SH3BP4: variants seen among roughly 807,000 people sequenced by gnomAD.
SH3BP4 encodes SH3 domain-binding protein 4.
In SH3BP4, 33 loss-of-function variants were observed where a neutral mutation model predicts 65.5. That is an observed-to-expected ratio of 0.50 (90% CI 0.38 to 0.67). SH3BP4 has a LOEUF of 0.67. Among genes scored for constraint, SH3BP4 ranks in the 30% least tolerant of loss-of-function variants. SH3BP4 has a pLI of 0.00. For synonymous variants in SH3BP4, 552 were observed against 545.5 expected (o/e 1.01, Z -0.17); for missense variants, 1,134 against 1,261.4 (o/e 0.90, Z 1.53).
chr2:234,978,519 C>T lies in SH3BP4; in HGVS notation c.-206-16784C>T, dbSNP rs1693243992. 6.6e-6 allele frequency among the ~76,000 whole-genome samples: 1 copy of T among 152,174 alleles called. No homozygotes were observed. The stretch of plus-strand genomic sequence containing the variant: ...TCGCTGACTGGTGCGGTGAACTCTC[C>T]GGCTGGGCTCCTTTCCTGCTGCAGG... On this transcript the variant is annotated intron_variant, in intron 1 of 5. Coordinates refer to ENST00000392011, the MANE Select transcript of SH3BP4 (RefSeq NM_014521.3). The surrounding 1 kb of genome is among the most constrained non-coding windows in gnomAD (Gnocchi z 4.1).
chr2:235,022,455 A>T (rs1694872616), intron 2 of SH3BP4, among the ~76,000 whole-genome samples: 1 of 152,068 alleles, frequency 6.6e-6, no homozygotes, highest in African/African-American at 2.4e-5. Context: ...AGGGAGGTGG[A>T]GGCGGCAGTG....
At chr2:235,025,950 A>G (rs752972562) in intron 2 of SH3BP4, among the ~76,000 whole-genome samples, 17 of 152,318 alleles carry the variant, frequency 1.1e-4, no homozygotes, top group Middle Eastern at 3.4e-3. Context: ...TGGTGAGTGC[A>G]TGGGATGTAC....
chr2:234,980,900 G>GT (rs961398742), intron 1 of SH3BP4, among the ~76,000 whole-genome samples: 1 of 152,018 alleles, frequency 6.6e-6, no homozygotes, highest in African/African-American at 2.4e-5. Flanking sequence ...TTTCGTTTTT[G>GT]TTTTTTTGAG....
At chr2:235,036,822 GACAA>G (rs1335892622) in intron 3 of SH3BP4, among the ~76,000 whole-genome samples, 1 of 151,880 alleles carries the variant, frequency 6.6e-6, no homozygotes, top group African/African-American at 2.4e-5. Context: ...AGAGGAGGAA[GACAA>G]ACAAGACAGC....
chr2:235,040,856 C>T (rs1469617310), intron 3 of SH3BP4, 32 bp from the exon 4 acceptor site: 2 of 1,591,948 alleles, frequency 1.3e-6, no homozygotes, highest in Non-Finnish European at 1.7e-6. Context: ...CGGCCTTGCC[C>T]TCACCATCTG....
At chr2:234,988,285 T>C (rs549851209) in intron 1 of SH3BP4, among the ~76,000 whole-genome samples, 15 of 152,226 alleles carry the variant, frequency 9.9e-5, no homozygotes, top group African/African-American at 3.4e-4. Context: ...AGTCTTGATC[T>C]CCTGACCTCA....
chr2:234,990,310 G>T (rs1272492862), intron 1 of SH3BP4, among the ~76,000 whole-genome samples: 3 of 152,204 alleles, frequency 2.0e-5, no homozygotes, highest in Non-Finnish European at 4.4e-5. Flanking sequence ...CGGGGATGCA[G>T]GCTGTAGAGG....
In SH3BP4 at chr2:235,035,091, T is replaced by C. The variant is rs758468374; in HGVS notation, c.89T>C (p.Phe30Ser). 2 of 1,614,002 alleles carry C rather than the reference T, an allele frequency of 1.2e-6. No homozygotes were observed. Among genetic ancestry groups the C allele is most frequent in the Non-Finnish European group, 8.5e-7 (1 of 1,179,880 alleles). Residue 30 changes from phenylalanine (F) to serine (S), a missense_variant, in exon 3 of 6, where the codon TTT (phenylalanine) becomes TCT (serine). Coordinates refer to ENST00000392011, the MANE Select transcript of SH3BP4 (RefSeq NM_014521.3). The surrounding 1 kb of genome is among the most constrained non-coding windows in gnomAD (Gnocchi z 5.0). ...EGTLIDLSEG[F>S]SETSFNDIKV... The stretch of plus-strand genomic sequence containing the variant: ...ACCCTGATTGACCTGAGCGAAGGGT[T>C]TTCAGAGACGAGCTTTAATGACATC...
intron 2 of SH3BP4, among the ~76,000 whole-genome samples, chr2:235,012,523 C>G (rs1324032616): frequency 6.6e-6 from 1 of 152,194 alleles, no homozygotes; most frequent in African/African-American, 2.4e-5. Flanking sequence ...AATAACCAGC[C>G]GCACCGCAAG....
At position 234,974,005 on chromosome 2, in the gene SH3BP4, A is replaced by G. The variant is rs181216588; in HGVS notation, c.-206-21298A>G. Among the ~76,000 whole-genome samples, 3 of 152,232 alleles carry G rather than the reference A, an allele frequency of 2.0e-5. No homozygotes were observed. The highest frequency in any genetic ancestry group is 2.0e-4 in the Admixed American group (3 of 15,300). ...GCCAGTCTCCAAGTGCTCCGGGTCT[A>G]GTAAGTCAACAGGGGAGGCTTTCAG... On this transcript the variant is annotated intron_variant, in intron 1 of 5. Coordinates refer to ENST00000392011, the MANE Select transcript of SH3BP4 (RefSeq NM_014521.3). The surrounding 1 kb of genome is among the most constrained non-coding windows in gnomAD (Gnocchi z 4.6).
intron 3 of SH3BP4, among the ~76,000 whole-genome samples, chr2:235,038,396 TATATATATATATATATATATGA>T (rs1559254854): frequency 3.9e-5 from 3 of 77,752 alleles, no homozygotes; most frequent in African/African-American, 1.5e-4. Context: ...TATATATATA[TATATATATATATATATATATGA>T]GGTATGTAGA....
At chr2:235,017,872 G>A (rs566613265) in intron 2 of SH3BP4, among the ~76,000 whole-genome samples, 127 of 152,104 alleles carry the variant, frequency 8.3e-4, no homozygotes, top group Non-Finnish European at 1.7e-3. Flanking sequence ...TATTCAACCA[G>A]TTTTTTTGGT....
At chr2:234,953,627 T>A (rs1049994302) in intron 1 of SH3BP4, among the ~76,000 whole-genome samples, 4 of 152,104 alleles carry the variant, frequency 2.6e-5, no homozygotes, top group African/African-American at 9.7e-5. Context: ...ACCATAAAAA[T>A]TAATGGGTGG....
intron 4 of SH3BP4, among the ~76,000 whole-genome samples, chr2:235,050,566 T>C (rs549579356): frequency 6.6e-6 from 1 of 152,134 alleles, no homozygotes; most frequent in Admixed American, 6.5e-5. Context: ...CTTTTTAAAT[T>C]CCATGGATTG....
intron 2 of SH3BP4, among the ~76,000 whole-genome samples, chr2:235,010,026 T>C (rs4330068): frequency 0.11 from 16,294 of 152,032 alleles, 1,332 homozygotes; most frequent in East Asian, 0.28. Flanking sequence ...GAGGGTCTTT[T>C]TTCAGGGTTA....
chr2:235,034,424 C>T lies in SH3BP4; in HGVS notation c.-132-447C>T, dbSNP rs552942904. 2.0e-4 allele frequency among the ~76,000 whole-genome samples: 30 copies of T among 152,152 alleles called. No homozygotes were observed. The highest frequency in any genetic ancestry group is 4.2e-4 in the South Asian group (2 of 4,818). On this transcript the variant is annotated intron_variant, in intron 2 of 5. Coordinates refer to ENST00000392011, the MANE Select transcript of SH3BP4 (RefSeq NM_014521.3). This position sits in a 1 kb window ranked among gnomAD's most constrained non-coding sequence, Gnocchi z 6.2. ...TTCATTGATGGCTGCTTCCCGGGGCCGAGTCACCATGATGACTGCCCCTGC... is the reference window on the plus strand; with the variant it reads ...TTCATTGATGGCTGCTTCCCGGGGCTGAGTCACCATGATGACTGCCCCTGC...
intron 2 of SH3BP4, among the ~76,000 whole-genome samples, chr2:235,031,418 C>T (rs542349468): frequency 3.9e-5 from 6 of 152,320 alleles, no homozygotes; most frequent in African/African-American, 4.8e-5. Context: ...GCTCCCAGGG[C>T]GCTGGAGGCC....
intron 1 of SH3BP4, among the ~76,000 whole-genome samples, chr2:234,980,699 G>A (rs768161331): frequency 2.0e-5 from 3 of 152,114 alleles, no homozygotes; most frequent in East Asian, 3.9e-4. Context: ...AGGCTCCTCC[G>A]CATGCTCCCC....
chr2:234,972,120 T>TG (rs553674514), intron 1 of SH3BP4, among the ~76,000 whole-genome samples: 3 of 147,318 alleles, frequency 2.0e-5, no homozygotes, highest in East Asian at 3.9e-4. Context: ...CGGCCTTTTT[T>TG]TTTTTTGTTT....
Sources: gnomAD v4.1 joint callset for allele counts (sites outside exome capture counted in the v4.1 genomes callset) on GRCh38, gnomAD v4.1.1 for gene constraint, Gnocchi (gnomAD v3.1) non-coding constraint, MANE v1.5 for transcripts, NCBI Gene and HGNC (gene_info 2026-07-23, HGNC 2026-07-21) for gene names.